The following SNX30 variants were observed in gnomAD, a reference collection of about 807,000 sequenced individuals.
SNX30 encodes sorting nexin family member 30, also known as sorting nexin-30.
In SNX30, 24 loss-of-function variants were observed where a neutral mutation model predicts 46.4. That is an observed-to-expected ratio of 0.52 (90% CI 0.37 to 0.73). The LOEUF (loss-of-function observed/expected upper bound fraction) is 0.73. SNX30 is among the 30% of genes least tolerant of loss of function. The pLI is 0.00. For synonymous variants in SNX30, 189 were observed against 211.5 expected, an observed-to-expected ratio of 0.89 and a Z score of 0.92; for missense variants, 533 against 555.7, an observed-to-expected ratio of 0.96 and a Z score of 0.41.
chr9:112,852,899 C>G (rs1841052490), intron 7 of SNX30, among the ~76,000 whole-genome samples: 1 of 152,178 alleles, frequency 6.6e-6, no homozygotes, highest in Admixed American at 6.5e-5. Flanking sequence ...CAAGACATAC[C>G]TGGAAAGGAA....
At chr9:112,833,278 C>T (rs184354488) in intron 4 of SNX30, among the ~76,000 whole-genome samples, 2 of 151,778 alleles carry the variant, frequency 1.3e-5, no homozygotes, top group South Asian at 2.1e-4. Flanking sequence ...GAGCCACTTA[C>T]GTGTTCTGCC....
At chr9:112,817,682 T>G in intron 2 of SNX30, 23 bp from the exon 3 acceptor site, 1 of 1,422,202 alleles carries the variant, frequency 7.0e-7, no homozygotes, top group East Asian at 2.3e-5. Flanking sequence ...TATGCTTATT[T>G]TTTTCCATTC....
rs983040123 is a variant in SNX30 at position 112,870,039 on chromosome 9, TAA to T, written c.*1198_*1199del. 2.0e-5 allele frequency: 3 copies of T among 152,174 alleles called. No individual in the cohort carries two copies. The highest frequency in any genetic ancestry group is 2.9e-5 in the Non-Finnish European group (2 of 68,030). The allele number at this position is 152,174 out of a possible 1,614,324, so 9.4% of individuals were successfully genotyped here. On this transcript the variant is annotated 3_prime_UTR_variant, in exon 9 of 9. Coordinates refer to ENST00000374232, the MANE Select transcript of SNX30 (RefSeq NM_001012994.2). ...GCGAGCCCTTTGTGTCCAGCTAAGCTAAAGTCTCCTCAGTGTGCAGCCAGATT... is the reference window on the plus strand; with the variant it reads ...GCGAGCCCTTTGTGTCCAGCTAAGCTAGTCTCCTCAGTGTGCAGCCAGATT...
rs114984500 is a variant in SNX30, at chr9:112,837,209, C to T, written c.814+800C>T. 2.3e-3 allele frequency among the ~76,000 whole-genome samples: 353 copies of T among 152,120 alleles called. 2 individuals are homozygous for T. Among genetic ancestry groups the T allele is most frequent in the African/African-American group, 8.1e-3 (337 of 41,496 alleles). Reference sequence around the variant, plus strand: ...TTTCTTTACGGGGGAAAAAAATCAACATTTTTTTTTTCTCATTTCTTGTAC... The same window carrying T: ...TTTCTTTACGGGGGAAAAAAATCAATATTTTTTTTTTCTCATTTCTTGTAC... On this transcript the variant is annotated intron_variant, in intron 5 of 8. Coordinates refer to ENST00000374232, the MANE Select transcript of SNX30 (RefSeq NM_001012994.2).
At chr9:112,882,217 G>A (rs141279423), downstream of SNX30, among the ~76,000 whole-genome samples, 97 of 152,116 alleles carry the variant, frequency 6.4e-4, no homozygotes, top group South Asian at 1.5e-3. Flanking sequence ...AGCAATCCTC[G>A]CACATCAGCC....
At chr9:112,880,023 T>C (rs1029830549) in exon 5 of SNX30, 55 of 483,778 alleles carry the variant, frequency 1.1e-4, no homozygotes, top group African/African-American at 8.9e-4. Context: ...TGCTTCCCCA[T>C]TGTTCCTTTA....
At chr9:112,762,854 A>C (rs781677090) in intron 1 of SNX30, among the ~76,000 whole-genome samples, 18 of 152,256 alleles carry the variant, frequency 1.2e-4, no homozygotes, top group Non-Finnish European at 2.4e-4. Flanking sequence ...CCACGGAGGA[A>C]GCCGCTGGGA....
intron 1 of SNX30, among the ~76,000 whole-genome samples, chr9:112,791,137 A>G (rs1840012950): frequency 6.6e-6 from 1 of 152,178 alleles, no homozygotes; most frequent in African/African-American, 2.4e-5. Context: ...TGCAACCATC[A>G]TCGCTATCTA....
intron 3 of SNX30, among the ~76,000 whole-genome samples, chr9:112,830,235 AT>A (rs1020066292): frequency 3.3e-5 from 5 of 152,078 alleles, no homozygotes; most frequent in East Asian, 3.9e-4. Context: ...TATAAAAGGT[AT>A]TTTTTTTAGA....
intron 7 of SNX30, among the ~76,000 whole-genome samples, chr9:112,854,235 G>A (rs920607675): frequency 2.0e-5 from 3 of 152,220 alleles, no homozygotes; most frequent in African/African-American, 4.8e-5. Context: ...GAGCAGTCTC[G>A]AGCAGAGGGA....
Position 112,872,495 on chromosome 9 carries a change from A to G in SNX30, c.*3652A>G, listed in dbSNP as rs575982966. Reference sequence around the variant, plus strand: ...AAGTCAAGAGCAACCTCCAAGGCCTATGTCAGCCTCTTCTCCTTGGGTCTT... The same window carrying G: ...AAGTCAAGAGCAACCTCCAAGGCCTGTGTCAGCCTCTTCTCCTTGGGTCTT... On this transcript the variant is annotated 3_prime_UTR_variant, in exon 9 of 9. Transcript: ENST00000374232. The G allele has an allele frequency of 3.3e-5, 5 of 152,424 alleles. No homozygotes were observed. In the East Asian group the frequency reaches 7.7e-4, roughly 24 times the overall value. The allele number at this position is 152,424 out of a possible 1,614,324, so 9.4% of individuals were successfully genotyped here.
chr9:112,866,597 A>G (rs1841348254), intron 8 of SNX30: 1 of 464,896 alleles, frequency 2.2e-6, no homozygotes, highest in East Asian at 7.0e-5. Context: ...TTCCTCTCTA[A>G]CCTCAGAGTC....
At chr9:112,762,589 G>A (rs62576370) in intron 1 of SNX30, among the ~76,000 whole-genome samples, 3 of 152,012 alleles carry the variant, frequency 2.0e-5, no homozygotes, top group Non-Finnish European at 4.4e-5. Context: ...ATCTAAAATT[G>A]GGATTATCTT....
chr9:112,790,058 AC>A (rs1185045038), intron 1 of SNX30, among the ~76,000 whole-genome samples: 3 of 152,224 alleles, frequency 2.0e-5, no homozygotes, highest in African/African-American at 7.2e-5. Flanking sequence ...AGATACTTGT[AC>A]AAGCAACCTT....
chr9:112,862,511 A>G (rs1014120332), intron 7 of SNX30, among the ~76,000 whole-genome samples: 2 of 152,008 alleles, frequency 1.3e-5, no homozygotes, highest in African/African-American at 4.8e-5. Context: ...AGACTGGGAT[A>G]CTCTGGTTTT....
At chr9:112,805,919 T>A (rs1840218267) in intron 2 of SNX30, among the ~76,000 whole-genome samples, 1 of 152,264 alleles carries the variant, frequency 6.6e-6, no homozygotes, top group Non-Finnish European at 1.5e-5. Context: ...GCCTATATTT[T>A]AATTTTTAAA....
chr9:112,812,963 A>G (rs1840342563), intron 2 of SNX30, among the ~76,000 whole-genome samples: 1 of 152,066 alleles, frequency 6.6e-6, no homozygotes, highest in Non-Finnish European at 1.5e-5. Flanking sequence ...CCTGGTCAAC[A>G]TGGTGAAACC....
At chr9:112,832,482 G>A in intron 4 of SNX30, among the ~76,000 whole-genome samples, 1 of 139,056 alleles carries the variant, frequency 7.2e-6, no homozygotes, top group Non-Finnish European at 1.5e-5. Flanking sequence ...GTGTGTGTGT[G>A]TGTGTGTGTG....
At chr9:112,865,661 A>ATATATATATATATATATATATGTGTGTG in intron 8 of SNX30, among the ~76,000 whole-genome samples, 1 of 105,700 alleles carries the variant, frequency 9.5e-6, no homozygotes, top group African/African-American at 3.8e-5. Context: ...ATATATATAT[A>ATATATATATATATATATATATGTGTGTG]TGTATGTATG....
Sources: gnomAD v4.1 joint callset for allele counts (sites outside exome capture counted in the v4.1 genomes callset) on GRCh38, gnomAD v4.1.1 for gene constraint, MANE v1.5 for transcripts, NCBI Gene and HGNC (gene_info 2026-07-23, HGNC 2026-07-21) for gene names.